Variants in SATB2 observed in about 807,000 individuals in gnomAD.
SATB2 encodes the protein DNA-binding protein SATB2.
A neutral mutation model predicts 73.4 loss-of-function variants in SATB2; 1 was observed. The ratio of observed to expected loss-of-function variants is 0.01; its 90% CI spans 0.00 to 0.06. The LOEUF (loss-of-function observed/expected upper bound fraction) is 0.06. Among genes scored for constraint, SATB2 ranks in the 10% least tolerant of loss-of-function variants. SATB2 has a pLI of 1.00. For synonymous variants in SATB2, 397 were observed against 367.0 expected (o/e 1.08, Z -0.93); for missense variants, 459 against 945.8 (o/e 0.49, Z 6.75).
At chr2:199,405,969 AT>A (rs1690619236) in intron 3 of SATB2, among the ~76,000 whole-genome samples, 1 of 152,172 alleles carries the variant, frequency 6.6e-6, no homozygotes, top group Non-Finnish European at 1.5e-5. Context: ...TGGATTAAAA[AT>A]TTTAAGTAAA....
rs576986727 is a variant in SATB2 at position 199,341,975 on chromosome 2, T to C, written c.1173+6726A>G. On this transcript the variant is annotated intron_variant, in intron 7 of 10. Transcript: ENST00000417098. ...GCAGAGCGCTCTGGAGTGGAAGTTATGCTTCAGAGCTGTCGCTACTACAGG... is the reference window on the plus strand; with the variant it reads ...GCAGAGCGCTCTGGAGTGGAAGTTACGCTTCAGAGCTGTCGCTACTACAGG... 1.4e-4 allele frequency among the ~76,000 whole-genome samples: 22 copies of C among 152,272 alleles called. 1 individual carries two copies. In the South Asian group the frequency reaches 3.7e-3, roughly 26 times the overall value.
At chr2:199,397,636 C>A in intron 3 of SATB2, 1 of 234,436 alleles carries the variant, frequency 4.3e-6, no homozygotes, top group Non-Finnish European at 8.8e-6. Flanking sequence ...CGCCTGTAAT[C>A]CCAGTACTTT....
At chr2:199,453,420 A>C (rs1692186239) in intron 2 of SATB2, among the ~76,000 whole-genome samples, 1 of 152,060 alleles carries the variant, frequency 6.6e-6, no homozygotes, top group Non-Finnish European at 1.5e-5. Flanking sequence ...AGAGCTATAA[A>C]TACTTGTGTA....
upstream of SATB2, chr2:199,460,435 G>C (rs1335145152): frequency 6.6e-6 from 1 of 152,350 alleles, no homozygotes; most frequent in African/African-American, 2.4e-5. The surrounding 1 kb of genome is among the most constrained non-coding windows in gnomAD (Gnocchi z 4.0). Flanking sequence ...CGATAACAAT[G>C]CTGTATCCTT....
At chr2:199,386,383 GA>G (rs924745285) in intron 3 of SATB2, among the ~76,000 whole-genome samples, 5 of 152,222 alleles carry the variant, frequency 3.3e-5, no homozygotes, top group Admixed American at 3.3e-4. Flanking sequence ...TCCAAGGGGA[GA>G]AAAAAGAACC....
intron 3 of SATB2, among the ~76,000 whole-genome samples, chr2:199,382,685 C>T (rs180955431): frequency 2.6e-5 from 4 of 152,036 alleles, no homozygotes; most frequent in East Asian, 3.9e-4. Context: ...ACAGGGCACA[C>T]GTAACATTGA....
At chr2:199,276,904 C>T (rs1157246361) in intron 10 of SATB2, among the ~76,000 whole-genome samples, 4 of 152,096 alleles carry the variant, frequency 2.6e-5, no homozygotes, top group South Asian at 2.1e-4. Context: ...TTAGTCATCA[C>T]CAGAAACAAC....
intron 6 of SATB2, among the ~76,000 whole-genome samples, chr2:199,355,387 C>T (rs996019383): frequency 7.0e-5 from 9 of 128,418 alleles, no homozygotes; most frequent in Non-Finnish European, 1.5e-4. Flanking sequence ...GTCTTTCACT[C>T]CTATATTCTG....
rs775362361 is a variant in SATB2, at chr2:199,344,458, G to C, written c.1173+4243C>G. 1.6e-4 allele frequency among the ~76,000 whole-genome samples: 24 copies of C among 152,154 alleles called. 1 individual carries two copies. Among genetic ancestry groups the C allele is most frequent in the Non-Finnish European group, 2.9e-4 (20 of 68,040 alleles). ...AGAGAAAGTGGAAGAGTGATGTCTG[G>C]AACATGTGAGAGTCTCTCAGGACCT... On this transcript the variant is annotated intron_variant, in intron 7 of 10. Coordinates refer to ENST00000417098, the MANE Select transcript of SATB2 (RefSeq NM_001172509.2).
chr2:199,431,241 C>T (rs555251091), intron 3 of SATB2, among the ~76,000 whole-genome samples: 2 of 152,328 alleles, frequency 1.3e-5, no homozygotes, highest in East Asian at 3.9e-4. Context: ...TCTTATCATG[C>T]ATACTATTTG....
chr2:199,451,737 T>C (rs142526932), intron 2 of SATB2, among the ~76,000 whole-genome samples: 78 of 152,226 alleles, frequency 5.1e-4, no homozygotes, highest in Middle Eastern at 3.4e-3. Context: ...GTGTTCCACA[T>C]GTAGACAATT....
intron 10 of SATB2, among the ~76,000 whole-genome samples, chr2:199,302,376 A>T (rs1355558753): frequency 6.6e-6 from 1 of 152,192 alleles, no homozygotes; most frequent in African/African-American, 2.4e-5. Context: ...AATTTTTGAC[A>T]TGTTGAAAAC....
chr2:199,381,227 G>T (rs752749809), intron 4 of SATB2, among the ~76,000 whole-genome samples: 1 of 151,994 alleles, frequency 6.6e-6, no homozygotes, highest in South Asian at 2.1e-4. Context: ...GTTTTGATGT[G>T]GCCCTTGGAA....
intron 2 of SATB2, among the ~76,000 whole-genome samples, chr2:199,446,045 T>C (rs941660629): frequency 6.6e-6 from 1 of 152,178 alleles, no homozygotes; most frequent in African/African-American, 2.4e-5. Context: ...TTTTCCAAAA[T>C]AAACAATACT....
chr2:199,451,423 A>G (rs1055281663), intron 2 of SATB2, among the ~76,000 whole-genome samples: 5 of 150,790 alleles, frequency 3.3e-5, no homozygotes, highest in African/African-American at 1.2e-4. Context: ...GCCTAAGTTC[A>G]TTCTATTTAA....
Position 199,308,549 on chromosome 2 carries a change from TACACACACACACACGCACGCACATGCAC to T in SATB2, c.1740+183_1740+210del, listed in dbSNP as rs1161289939. Among the ~76,000 whole-genome samples, 2 of 151,164 alleles carry T rather than the reference TACACACACACACACGCACGCACATGCAC, an allele frequency of 1.3e-5. No homozygotes were observed. Among genetic ancestry groups the T allele is most frequent in the Non-Finnish European group, 3.0e-5 (2 of 67,728 alleles). On this transcript the variant is annotated intron_variant, in intron 10 of 10. Transcript: ENST00000417098. The surrounding 1 kb of genome is among the most constrained non-coding windows in gnomAD (Gnocchi z 4.6). ...TCAGTCATTTTTCTTTGTGTGTGCATACACACACACACACGCACGCACATGCACACACACACACATACACATACACACA... is the reference window on the plus strand; with the variant it reads ...TCAGTCATTTTTCTTTGTGTGTGCATACACACACACATACACATACACACA...
intron 6 of SATB2, among the ~76,000 whole-genome samples, chr2:199,365,288 G>A (rs1689250265): frequency 6.6e-6 from 1 of 151,106 alleles, no homozygotes; most frequent in South Asian, 2.1e-4. Context: ...ATTATGGTAT[G>A]TGATGATCAG....
chr2:199,379,682 CTTTTTTTT>C, intron 5 of SATB2, among the ~76,000 whole-genome samples: 1 of 108,246 alleles, frequency 9.2e-6, no homozygotes, highest in South Asian at 3.2e-4. Context: ...CTTTTCTTTT[CTTTTTTTT>C]TTTTTTTTTT....
chr2:199,442,852 C>G (rs1206238500), intron 2 of SATB2, among the ~76,000 whole-genome samples: 1 of 152,046 alleles, frequency 6.6e-6, no homozygotes, highest in Non-Finnish European at 1.5e-5. Context: ...GTTGAAGTAT[C>G]CTTAGTTCAA....
Sources: gnomAD v4.1 joint callset for allele counts (sites outside exome capture counted in the v4.1 genomes callset) on GRCh38, gnomAD v4.1.1 for gene constraint, Gnocchi (gnomAD v3.1) non-coding constraint, MANE v1.5 for transcripts, NCBI Gene and HGNC (gene_info 2026-07-23, HGNC 2026-07-21) for gene names.